MSH3: variants seen among roughly 807,000 people sequenced by gnomAD.
The protein encoded by MSH3 is DNA mismatch repair protein Msh3.
MSH3 carries 106 observed loss-of-function variants against 123.3 expected under a neutral mutation model. The ratio of observed to expected loss-of-function variants is 0.86; its 90% confidence interval spans 0.73 to 1.01. The LOEUF is 1.01. MSH3 is among the 50% of genes least tolerant of loss of function. The pLI is 0.00. For synonymous variants in MSH3, 515 were observed against 481.4 expected (o/e 1.07, Z -0.91); for missense variants, 1,459 against 1,347.6 (o/e 1.08, Z -1.29).
At chr5:80,822,897 A>G (rs751641666) in intron 20 of MSH3, among the ~76,000 whole-genome samples, 2 of 152,316 alleles carry the variant, frequency 1.3e-5, no homozygotes, top group Admixed American at 6.5e-5. Context: ...GAACTGGCCC[A>G]ATTGCCAATC....
At chr5:80,837,737 G>A (rs1431499625) in intron 20 of MSH3, among the ~76,000 whole-genome samples, 1 of 152,158 alleles carries the variant, frequency 6.6e-6, no homozygotes. Flanking sequence ...AGCAGCTTGA[G>A]CAACACACAT....
chr5:80,685,365 G>A (rs1167092924), intron 8 of MSH3, among the ~76,000 whole-genome samples: 1 of 151,552 alleles, frequency 6.6e-6, no homozygotes, highest in African/African-American at 2.4e-5. Context: ...GGTCTGTTCA[G>A]GTTTTGGATT....
intron 8 of MSH3, among the ~76,000 whole-genome samples, chr5:80,703,667 A>G (rs1004154971): frequency 1.3e-5 from 2 of 152,060 alleles, no homozygotes; most frequent in African/African-American, 4.8e-5. Flanking sequence ...ATATTTCCTA[A>G]TACTTTATCT....
intron 13 of MSH3, among the ~76,000 whole-genome samples, chr5:80,763,940 G>T (rs1416168805): frequency 6.6e-6 from 1 of 152,232 alleles, no homozygotes; most frequent in Non-Finnish European, 1.5e-5. Context: ...TCACTTGGAA[G>T]CCATTCCTTG....
At chr5:80,690,627 A>G (rs1750208300) in intron 8 of MSH3, among the ~76,000 whole-genome samples, 1 of 152,122 alleles carries the variant, frequency 6.6e-6, no homozygotes, top group Non-Finnish European at 1.5e-5. Flanking sequence ...ATCCAGTTCA[A>G]TTTTAAAACT....
At chr5:80,867,899 T>C (rs1367730820) in intron 22 of MSH3, among the ~76,000 whole-genome samples, 1 of 152,196 alleles carries the variant, frequency 6.6e-6, no homozygotes, top group East Asian at 1.9e-4. Flanking sequence ...ATAGTTTCTT[T>C]TGCTGTGCAA....
At chr5:80,788,948 G>C (rs377376804) in intron 18 of MSH3, among the ~76,000 whole-genome samples, 4 of 151,790 alleles carry the variant, frequency 2.6e-5, no homozygotes, top group Admixed American at 6.6e-5. Flanking sequence ...CTTGCTATGC[G>C]TGTTCTATCC....
rs749809388 is a variant in MSH3, at chr5:80,728,849, AG to A, written c.1454del. On this transcript the variant is annotated splice_acceptor_variant, in intron 9 of 23. Transcript: ENST00000265081. LOFTEE classifies it high-confidence loss of function. ...AACAAGTTAATATATTCTGTTTTCTAGGTTCTCAAATTATTTCTGGCATTGT... is the reference window on the plus strand; with the variant it reads ...AACAAGTTAATATATTCTGTTTTCTAGTTCTCAAATTATTTCTGGCATTGT... 1 of 1,513,394 alleles carries A rather than the reference AG, an allele frequency of 6.6e-7. No individual in the cohort carries two copies. The highest frequency in any genetic ancestry group is 1.1e-5 in the South Asian group (1 of 88,596). 93.7% of individuals were successfully genotyped at this position (1,513,394 alleles called of 1,614,324 possible). A position where few individuals can be genotyped will look rare whatever the true frequency, so the allele number is the denominator to read the frequency against.
intron 20 of MSH3, among the ~76,000 whole-genome samples, chr5:80,839,771 T>C (rs1745584505): frequency 6.6e-6 from 1 of 152,112 alleles, no homozygotes; most frequent in Admixed American, 6.6e-5. Flanking sequence ...ATAAAATACT[T>C]TCAAAAATTA....
Position 80,665,242 on chromosome 5 carries a change from C to G in MSH3, c.458C>G (p.Thr153Arg). Residue 153 changes from threonine to arginine, a missense_variant, in exon 3 of 24, where the codon ACA becomes AGA. By Grantham distance (71) the Thr-to-Arg change is moderately conservative. Transcript: ENST00000265081. The stretch of plus-strand genomic sequence containing the variant: ...GCCCTTCCTCAAAGTAGAGTCCAGA[C>G]AGAATCTCTGCAGGAGAGATTTGCA... ...DSALPQSRVQ[T>R]ESLQERFAVL... 6.2e-7 allele frequency: 1 copy of G among 1,614,032 alleles called. No homozygotes were observed. The highest frequency in any genetic ancestry group is 1.1e-5 in the South Asian group (1 of 91,074).
At chr5:80,741,575 T>A in intron 11 of MSH3, 27 bp downstream of exon 11, 1 of 1,534,806 alleles carries the variant, frequency 6.5e-7, no homozygotes, top group South Asian at 1.1e-5. Context: ...GGCTAGTTGA[T>A]TATAAATCGT....
At chr5:80,675,252 A>G in intron 7 of MSH3, 124 bp downstream of exon 7, 1 of 1,139,636 alleles carries the variant, frequency 8.8e-7, no homozygotes. Context: ...TATACAAGAA[A>G]AACATTTTTC....
intron 11 of MSH3, among the ~76,000 whole-genome samples, chr5:80,744,119 G>C (rs1743671021): frequency 6.6e-6 from 1 of 152,112 alleles, no homozygotes; most frequent in African/African-American, 2.4e-5. Flanking sequence ...ACCTTGTTCA[G>C]TGTTGTCATG....
chr5:80,671,878 G>T (rs759145099), intron 4 of MSH3, among the ~76,000 whole-genome samples: 19 of 152,148 alleles, frequency 1.2e-4, no homozygotes, highest in Non-Finnish European at 2.6e-4. Context: ...TCTTCTAAAT[G>T]TCAGTCATTT....
chr5:80,744,580 A>G lies in MSH3; in HGVS notation c.1728A>G (p.Leu576=), dbSNP rs1293502849. The G allele has an allele frequency of 9.9e-6, 16 of 1,613,808 alleles. No individual in the cohort carries two copies. Among genetic ancestry groups the G allele is most frequent in the Non-Finnish European group, 1.4e-5 (16 of 1,179,822 alleles). The stretch of plus-strand genomic sequence containing the variant: ...AAACTTCATTTGGGAGACGGAAGTT[A>G]AAGAAGTGGGTGACCCAGCCACTCC... ...HTKTSFGRRK[L]KKWVTQPLLK... The change falls in exon 12 of 24, where the codon TTA becomes TTG. Residue 576 remains leucine (L), a synonymous_variant. Coordinates refer to ENST00000265081, the MANE Select transcript of MSH3 (RefSeq NM_002439.5).
At chr5:80,784,545 T>C (rs1280649588) in intron 17 of MSH3, among the ~76,000 whole-genome samples, 1 of 152,192 alleles carries the variant, frequency 6.6e-6, no homozygotes, top group Non-Finnish European at 1.5e-5. Context: ...CAGTTATCCT[T>C]AGAGTTACAA....
chr5:80,775,618 T>A (rs1196039017), intron 15 of MSH3, 76 bp from the exon 16 acceptor site: 1 of 835,476 alleles, frequency 1.2e-6, no homozygotes, highest in East Asian at 2.7e-5. Context: ...TAAATTGTTA[T>A]ACCACAATTT....
intron 20 of MSH3, among the ~76,000 whole-genome samples, chr5:80,836,595 G>A (rs1410686961): frequency 2.0e-5 from 3 of 148,474 alleles, no homozygotes; most frequent in African/African-American, 5.0e-5. Flanking sequence ...CTCAGTATCT[G>A]CTGGGGACTG....
At chr5:80,791,406 A>G (rs1461593680) in intron 18 of MSH3, among the ~76,000 whole-genome samples, 1 of 152,230 alleles carries the variant, frequency 6.6e-6, no homozygotes, top group Admixed American at 6.5e-5. Flanking sequence ...TCTAGAACCT[A>G]TTAGAAATGT....
Sources: allele counts gnomAD v4.1 joint callset (sites outside exome capture counted in the v4.1 genomes callset), GRCh38; gene constraint gnomAD v4.1.1; transcripts MANE v1.5; gene names NCBI Gene and HGNC (gene_info 2026-07-23, HGNC 2026-07-21).